Variants in TRIO observed in about 807,000 individuals in gnomAD.
TRIO encodes the protein triple functional domain protein.
Under a neutral mutation model 351.9 loss-of-function variants are expected in TRIO, and 58 were observed. That is an observed-to-expected ratio of 0.16 (90% CI 0.13 to 0.21). TRIO has a LOEUF of 0.21. TRIO is among the 10% of genes least tolerant of loss of function. The probability of loss-of-function intolerance (pLI) is 1.00; values close to 1 mark genes in which losing one functional copy is unlikely to be tolerated. For synonymous variants in TRIO, 1,758 were observed against 1,595.7 expected (o/e 1.10, Z -2.42); for missense variants, 3,201 against 4,027.8 (o/e 0.79, Z 5.56).
intron 1 of TRIO, among the ~76,000 whole-genome samples, chr5:14,249,136 A>G (rs1208721045): frequency 6.6e-6 from 1 of 152,264 alleles, no homozygotes; most frequent in African/African-American, 2.4e-5. Context: ...TCAGAGGTAG[A>G]TGCATGGCTT....
chr5:14,354,178 G>T (rs1743402900), intron 11 of TRIO, among the ~76,000 whole-genome samples: 1 of 152,270 alleles, frequency 6.6e-6, no homozygotes, highest in Non-Finnish European at 1.5e-5. Context: ...TGGGAGGGTG[G>T]TTGGGACACC....
intron 34 of TRIO, among the ~76,000 whole-genome samples, chr5:14,455,897 T>C (rs972924148): frequency 2.0e-5 from 3 of 152,144 alleles, no homozygotes; most frequent in African/African-American, 7.2e-5. Flanking sequence ...ACACCTGCAC[T>C]CCTCAGCCCT....
At position 14,477,507 on chromosome 5, in the gene TRIO, A is replaced by G. The variant is rs183381798; in HGVS notation, c.6153+544A>G. Among the ~76,000 whole-genome samples, 749 of 152,310 alleles carry G rather than the reference A, an allele frequency of 4.9e-3. 1 individual carries two copies. The highest frequency in any genetic ancestry group is 7.4e-3 in the Non-Finnish European group (506 of 68,020). Reference sequence around the variant, plus strand: ...CATTGCTGTGTTTTTTGGTTCAAGTATCCAAACAAATCCATCTTCACACAC... The same window carrying G: ...CATTGCTGTGTTTTTTGGTTCAAGTGTCCAAACAAATCCATCTTCACACAC... On this transcript the variant is annotated intron_variant, in intron 41 of 56. Coordinates refer to ENST00000344204, the MANE Select transcript of TRIO (RefSeq NM_007118.4).
At position 14,481,602 on chromosome 5, in the gene TRIO, G is replaced by T; in HGVS notation, c.6449G>T (p.Arg2150Leu). Residue 2150 changes from arginine (R) to leucine (L), a missense_variant, in exon 45 of 57, where the codon CGG (arginine) becomes CTG (leucine). Arg to Leu is a moderately radical substitution (Grantham distance 102). Transcript: ENST00000344204. Reference sequence around the variant, plus strand: ...TGCAACGACATGATGAACGTGGGGCGGCTGCAAGGATTCGACGTAATGCGG... The same window carrying T: ...TGCAACGACATGATGAACGTGGGGCTGCTGCAAGGATTCGACGTAATGCGG... Reference protein sequence around the residue: ...RRCNDMMNVGRLQGFDGKIVA... With the variant: ...RRCNDMMNVGLLQGFDGKIVA... 3 of 1,613,998 alleles carry T rather than the reference G, an allele frequency of 1.9e-6. No homozygotes were observed. The highest frequency in any genetic ancestry group is 1.7e-6 in the Non-Finnish European group (2 of 1,180,006).
chr5:14,185,490 G>A (rs1329930225), intron 1 of TRIO, among the ~76,000 whole-genome samples: 1 of 152,206 alleles, frequency 6.6e-6, no homozygotes, highest in African/African-American at 2.4e-5. Flanking sequence ...GCCCAGACTG[G>A]CCACACACGC....
At chr5:14,417,010 C>T (rs1749703125) in intron 33 of TRIO, among the ~76,000 whole-genome samples, 1 of 152,210 alleles carries the variant, frequency 6.6e-6, no homozygotes, top group Admixed American at 6.5e-5. Flanking sequence ...GGGGCCATGG[C>T]AATCTGTACC....
At chr5:14,367,590 A>G (rs1002200119) in intron 16 of TRIO, among the ~76,000 whole-genome samples, 1 of 152,206 alleles carries the variant, frequency 6.6e-6, no homozygotes, top group African/African-American at 2.4e-5. Flanking sequence ...AACTGTCAGC[A>G]TGTGGACTAA....
At chr5:14,232,591 A>G (rs1793510670) in intron 1 of TRIO, among the ~76,000 whole-genome samples, 1 of 152,220 alleles carries the variant, frequency 6.6e-6, no homozygotes, top group Non-Finnish European at 1.5e-5. Flanking sequence ...TATTAAATGA[A>G]TAAATGAATG....
chr5:14,146,831 TTC>T (rs2152112791), intron 1 of TRIO, among the ~76,000 whole-genome samples: 1 of 152,330 alleles, frequency 6.6e-6, no homozygotes, highest in Non-Finnish European at 1.5e-5. Context: ...CCTGGTGCCC[TTC>T]TCCTCTGCTG....
chr5:14,208,905 G>C (rs1791706304), intron 1 of TRIO, among the ~76,000 whole-genome samples: 1 of 152,250 alleles, frequency 6.6e-6, no homozygotes, highest in South Asian at 2.1e-4. Context: ...CCTATTCTCA[G>C]TTAAACTCTG....
chr5:14,439,351 T>G (rs1241543922), intron 34 of TRIO, among the ~76,000 whole-genome samples: 2 of 152,174 alleles, frequency 1.3e-5, no homozygotes, highest in Non-Finnish European at 2.9e-5. Flanking sequence ...CCTAGGGAAA[T>G]TTCCCATACA....
At chr5:14,409,195 A>G (rs923180704) in intron 33 of TRIO, among the ~76,000 whole-genome samples, 1 of 152,150 alleles carries the variant, frequency 6.6e-6, no homozygotes, top group Non-Finnish European at 1.5e-5. Context: ...GCTGATTGGG[A>G]TTCCCCAGCG....
At chr5:14,207,290 C>CACACACACACACAG (rs1345660099) in intron 1 of TRIO, among the ~76,000 whole-genome samples, 3 of 42,082 alleles carry the variant, frequency 7.1e-5, no homozygotes, top group African/African-American at 1.8e-4. Flanking sequence ...CACACACACA[C>CACACACACACACAG]AGCCAGGTAG....
intron 5 of TRIO, 100 bp downstream of exon 5, chr5:14,291,328 A>G (rs1020552577): frequency 2.0e-5 from 25 of 1,268,126 alleles, no homozygotes; most frequent in Middle Eastern, 2.7e-4. Context: ...TGGTAAGGCT[A>G]TACTCACCGT....
At chr5:14,293,203 A>C (rs1737057060) in intron 6 of TRIO, 69 bp downstream of exon 6, 1 of 1,606,772 alleles carries the variant, frequency 6.2e-7, no homozygotes, top group Admixed American at 1.7e-5. Context: ...CATTTGGCAA[A>C]TTGTATGCTA....
At chr5:14,153,333 A>G (rs557301648) in intron 1 of TRIO, among the ~76,000 whole-genome samples, 1 of 152,320 alleles carries the variant, frequency 6.6e-6, no homozygotes, top group East Asian at 1.9e-4. Flanking sequence ...CACCTTTGGA[A>G]TTGTGCTCCA....
Position 14,143,761 on chromosome 5 carries a change from C to T in TRIO, c.36C>T (p.Ala12=). ...GCAGCGGCGGAGCCGCCGCCCCCGC[C>T]GCGTCCTCCGGCCCCGCCGCGGCGG... ...SGSSGGAAAP[A]ASSGPAAAAS... is the part of the protein sequence containing the mutation. Residue 12 remains alanine (A), a synonymous_variant, in exon 1 of 57, where the codon GCC becomes GCT. Coordinates refer to ENST00000344204, the MANE Select transcript of TRIO (RefSeq NM_007118.4). The T allele has an allele frequency of 1.0e-6, 1 of 996,176 alleles. No individual in the cohort carries two copies. Among genetic ancestry groups the T allele is most frequent in the Non-Finnish European group, 1.2e-6 (1 of 838,802 alleles). The allele number at this position is 996,176 out of a possible 1,614,324, so 61.7% of individuals were successfully genotyped here.
chr5:14,472,226 G>C (rs1231667737), intron 38 of TRIO, among the ~76,000 whole-genome samples: 1 of 152,246 alleles, frequency 6.6e-6, no homozygotes, highest in African/African-American at 2.4e-5. Context: ...TTCTTGTATA[G>C]CCAGTGAAGG....
chr5:14,334,569 A>G (rs561513440), intron 10 of TRIO, among the ~76,000 whole-genome samples: 5 of 152,230 alleles, frequency 3.3e-5, no homozygotes, highest in Non-Finnish European at 7.3e-5. Flanking sequence ...GAAGTCCACA[A>G]TTCCAAAACT....
Sources: allele counts gnomAD v4.1 joint callset (sites outside exome capture counted in the v4.1 genomes callset), GRCh38; gene constraint gnomAD v4.1.1; transcripts MANE v1.5; gene names NCBI Gene and HGNC (gene_info 2026-07-23, HGNC 2026-07-21).